The following HM13 variants were observed in gnomAD, a reference collection of about 807,000 sequenced individuals.
The protein encoded by HM13 is signal peptide peptidase.
In HM13, 18 loss-of-function variants were observed where a neutral mutation model predicts 50.0. The observed-to-expected ratio is 0.36, with a 90% confidence interval of 0.25 to 0.53. The LOEUF (loss-of-function observed/expected upper bound fraction) is 0.53, where lower values mean the gene tolerates loss of function less well. Ranked by LOEUF, HM13 falls within the 20% of genes least tolerant of loss-of-function variation. HM13 has a pLI of 0.90. For synonymous variants in HM13, 197 were observed against 232.6 expected, an observed-to-expected ratio of 0.85 and a Z score of 1.39; for missense variants, 393 against 552.4, an observed-to-expected ratio of 0.71 and a Z score of 2.89.
chr20:31,556,612 C>A (rs1984325291), intron 8 of HM13, among the ~76,000 whole-genome samples: 2 of 152,086 alleles, frequency 1.3e-5, no homozygotes, highest in Admixed American at 6.6e-5. Flanking sequence ...CAGCACTGTC[C>A]AACTGCAAAA....
In HM13 at chr20:31,527,800, G is replaced by T. The variant is rs1164980713; in HGVS notation, c.282+218G>T. On this transcript the variant is annotated intron_variant, in intron 2 of 12. Coordinates refer to ENST00000398174, the MANE Select transcript of HM13 (RefSeq NM_178581.3). ...ATTTCTTTTCTCCATGTAGCTTTTT[G>T]TTTTGTTTTTGTGATATCAGTTTGG... 5.0e-5 allele frequency: 25 copies of T among 499,922 alleles called. 1 individual carries two copies. In the South Asian group the frequency reaches 6.4e-4, roughly 13 times the overall value. 31.0% of individuals were successfully genotyped at this position (499,922 alleles called of 1,614,324 possible). A position where few individuals can be genotyped will look rare whatever the true frequency, so the allele number is the denominator to read the frequency against.
rs199667370 is a variant in HM13, at chr20:31,518,864, T to TAG, written c.183+4131_183+4132insGA. On this transcript the variant is annotated intron_variant, in intron 1 of 12. Transcript: ENST00000398174. ...GTCTCAAAAAATATATACATATATA[T>TAG]ATAGAGAGAGAGAGAGAGAGATCTA... 5.2e-3 allele frequency among the ~76,000 whole-genome samples: 779 copies of TAG among 151,032 alleles called. 8 individuals are homozygous for TAG. The highest frequency in any genetic ancestry group is 0.018 in the African/African-American group (732 of 40,840).
intron 2 of HM13, among the ~76,000 whole-genome samples, chr20:31,532,888 A>C (rs141323786): frequency 8.1e-4 from 124 of 152,374 alleles, no homozygotes; most frequent in Non-Finnish European, 1.3e-3. Context: ...AATTTCTGGC[A>C]GCAATGGGTG....
intron 3 of HM13, among the ~76,000 whole-genome samples, chr20:31,543,162 C>T (rs985724393): frequency 6.6e-6 from 1 of 152,326 alleles, no homozygotes. Flanking sequence ...AGCCCATTTC[C>T]GATTCTGGCC....
intron 9 of HM13, among the ~76,000 whole-genome samples, chr20:31,559,945 G>C (rs1344545376): frequency 6.6e-6 from 1 of 152,170 alleles, no homozygotes; most frequent in Non-Finnish European, 1.5e-5. Flanking sequence ...TGAGCCTCTG[G>C]TTTCTCATCT....
intron 10 of HM13, chr20:31,562,287 G>A (rs777571905): frequency 6.3e-5 from 10 of 159,936 alleles, no homozygotes; most frequent in African/African-American, 9.6e-5. Flanking sequence ...GGCCTGGAGA[G>A]GGGAAGATTC....
chr20:31,549,760 C>G (rs191790720), intron 6 of HM13, among the ~76,000 whole-genome samples: 6 of 152,344 alleles, frequency 3.9e-5, no homozygotes, highest in Non-Finnish European at 7.3e-5. Flanking sequence ...CCCCAGGCAG[C>G]CTCTTCCCCT....
At chr20:31,540,722 G>A (rs1381607248) in intron 3 of HM13, 1 of 152,116 alleles carries the variant, frequency 6.6e-6, no homozygotes, top group African/African-American at 2.4e-5. Context: ...TGGGCACGGT[G>A]GCTCACACCT....
intron 9 of HM13, among the ~76,000 whole-genome samples, chr20:31,559,976 C>A (rs1474172535): frequency 1.3e-5 from 2 of 152,204 alleles, no homozygotes; most frequent in Non-Finnish European, 2.9e-5. Context: ...ACAAGAGTTC[C>A]TACCATGAAA....
intron 4 of HM13, chr20:31,547,971 G>A: frequency 6.4e-7 from 1 of 1,556,572 alleles, no homozygotes; most frequent in Non-Finnish European, 8.9e-7. Flanking sequence ...AAGATATTGA[G>A]AAAGTCAACA....
intron 1 of HM13, among the ~76,000 whole-genome samples, chr20:31,521,854 C>CTTTTTT (rs368753723): frequency 8.3e-6 from 1 of 120,632 alleles, no homozygotes; most frequent in African/African-American, 3.1e-5. Flanking sequence ...GTCTCCCATT[C>CTTTTTT]TTTTTTTTTT....
chr20:31,560,195 C>T (rs1375337207), intron 9 of HM13, among the ~76,000 whole-genome samples: 1 of 152,180 alleles, frequency 6.6e-6, no homozygotes, highest in South Asian at 2.1e-4. Flanking sequence ...CTTAGGTCAG[C>T]GTTTAAAACA....
chr20:31,559,651 A>G lies in HM13; in HGVS notation c.845+4A>G. On this transcript the variant is annotated splice_donor_region_variant and intron_variant, in intron 9 of 12. Transcript: ENST00000398174. The stretch of plus-strand genomic sequence containing the variant: ...TGCTGCTGCGCTTTGACATCAGGTG[A>G]GTGAGTGAGGGCCTGCCCCAGCATG... The G allele has an allele frequency of 1.9e-6, 3 of 1,613,928 alleles. No homozygotes were observed. Among genetic ancestry groups the G allele is most frequent in the Non-Finnish European group, 2.5e-6 (3 of 1,179,838 alleles).
chr20:31,527,617 T>A, intron 2 of HM13, 35 bp downstream of exon 2: 1 of 1,339,010 alleles, frequency 7.5e-7, no homozygotes, highest in Non-Finnish European at 1.1e-6. Context: ...TCATTTGATC[T>A]AAATGACTTT....
intron 1 of HM13, among the ~76,000 whole-genome samples, chr20:31,519,297 C>T (rs946863175): frequency 3.9e-5 from 6 of 152,182 alleles, no homozygotes; most frequent in African/African-American, 1.4e-4. Context: ...GATGGGGTTT[C>T]ACCAGGTTGT....
chr20:31,547,503 C>G (rs1325734342), intron 4 of HM13: 1 of 703,698 alleles, frequency 1.4e-6, no homozygotes. Context: ...CACCCTGGAT[C>G]ATGTTCAAGA....
At chr20:31,549,843 C>G (rs1983932646) in intron 6 of HM13, among the ~76,000 whole-genome samples, 1 of 152,184 alleles carries the variant, frequency 6.6e-6, no homozygotes, top group African/African-American at 2.4e-5. Context: ...GGCTGCCTGG[C>G]TTGGGCCATC....
chr20:31,532,200 G>T (rs536238895), intron 2 of HM13, among the ~76,000 whole-genome samples: 27 of 152,136 alleles, frequency 1.8e-4, no homozygotes, highest in Admixed American at 3.3e-4. Flanking sequence ...GCCAAGGAGG[G>T]TGTATCACGA....
intron 4 of HM13, chr20:31,547,996 G>A (rs1839494280): frequency 3.8e-6 from 6 of 1,587,072 alleles, no homozygotes; most frequent in Non-Finnish European, 5.2e-6. Flanking sequence ...AATTGGCATT[G>A]AAAATATCCA....
Sources: allele counts gnomAD v4.1 joint callset (sites outside exome capture counted in the v4.1 genomes callset), GRCh38; gene constraint gnomAD v4.1.1; transcripts MANE v1.5; gene names NCBI Gene and HGNC (gene_info 2026-07-23, HGNC 2026-07-21).